The following RBFOX1 variants were observed in gnomAD, a reference collection of about 807,000 sequenced individuals.
The protein encoded by RBFOX1 is RNA binding protein fox-1 homolog 1.
In RBFOX1, 8 loss-of-function variants were observed where a neutral mutation model predicts 57.7. The ratio of observed to expected loss-of-function variants is 0.14; its 90% confidence interval spans 0.08 to 0.25. The LOEUF (loss-of-function observed/expected upper bound fraction) is 0.25, where lower values mean the gene tolerates loss of function less well. RBFOX1 is among the 10% of genes least tolerant of loss of function. RBFOX1 has a pLI of 1.00. For synonymous variants in RBFOX1, 326 were observed against 222.4 expected, an observed-to-expected ratio of 1.47 and a Z score of -4.15; for missense variants, 611 against 548.5, an observed-to-expected ratio of 1.11 and a Z score of -1.14.
intron 3 of RBFOX1, among the ~76,000 whole-genome samples, chr16:6,672,129 G>A (rs1208225122): frequency 6.6e-6 from 1 of 152,134 alleles, no homozygotes; most frequent in Non-Finnish European, 1.5e-5. Flanking sequence ...ACTGGTATTG[G>A]AGGCTAAGGT....
intron 3 of RBFOX1, among the ~76,000 whole-genome samples, chr16:5,760,377 CGT>C (rs1567504656): frequency 2.0e-5 from 3 of 151,912 alleles, no homozygotes; most frequent in African/African-American, 7.3e-5. Flanking sequence ...CACACACACA[CGT>C]ATATACATAT....
At chr16:5,536,630 G>T (rs1304621357) in intron 2 of RBFOX1, among the ~76,000 whole-genome samples, 1 of 152,116 alleles carries the variant, frequency 6.6e-6, no homozygotes, top group East Asian at 1.9e-4. Context: ...GATGTCAGCT[G>T]CATAAATGGG....
At chr16:6,944,337 G>A (rs962267564) in intron 3 of RBFOX1, among the ~76,000 whole-genome samples, 1 of 150,278 alleles carries the variant, frequency 6.7e-6, no homozygotes, top group African/African-American at 2.4e-5. Flanking sequence ...GGAGGTTGCA[G>A]TGTGCCAAGA....
At chr16:7,028,400 C>G (rs1478064653) in intron 3 of RBFOX1, among the ~76,000 whole-genome samples, 2 of 151,880 alleles carry the variant, frequency 1.3e-5, no homozygotes, top group Non-Finnish European at 2.9e-5. Flanking sequence ...ATCTTGGGCT[C>G]TGCATGGAGG....
At chr16:5,863,879 C>A (rs1238898341) in intron 3 of RBFOX1, among the ~76,000 whole-genome samples, 2 of 152,164 alleles carry the variant, frequency 1.3e-5, no homozygotes, top group Non-Finnish European at 2.9e-5. Flanking sequence ...AACATTTCCA[C>A]AAGGTCTCTT....
chr16:7,267,550 A>G (rs1372982035), intron 4 of RBFOX1, among the ~76,000 whole-genome samples: 1 of 149,570 alleles, frequency 6.7e-6, no homozygotes, highest in African/African-American at 2.5e-5. Context: ...AAAAATTTAA[A>G]AAAATAATAA....
At chr16:7,129,765 C>A (rs2069694261) in intron 4 of RBFOX1, among the ~76,000 whole-genome samples, 1 of 135,704 alleles carries the variant, frequency 7.4e-6, no homozygotes, top group African/African-American at 2.8e-5. Context: ...ACGACAACTC[C>A]TAGCTGCAAA....
intron 1 of RBFOX1, among the ~76,000 whole-genome samples, chr16:6,065,346 A>C (rs1251904133): frequency 6.6e-6 from 1 of 151,990 alleles, no homozygotes; most frequent in Non-Finnish European, 1.5e-5. Context: ...TATGATTCTT[A>C]TGGATGCCTA....
chr16:6,477,695 C>T (rs1230898847), intron 2 of RBFOX1, among the ~76,000 whole-genome samples: 1 of 152,182 alleles, frequency 6.6e-6, no homozygotes, highest in Non-Finnish European at 1.5e-5. Flanking sequence ...TCAGCTTGTC[C>T]TTTGAAGCTT....
At chr16:7,707,965 C>T (rs571539254) in intron 14 of RBFOX1, among the ~76,000 whole-genome samples, 1 of 152,170 alleles carries the variant, frequency 6.6e-6, no homozygotes, top group Non-Finnish European at 1.5e-5. Flanking sequence ...AGCATTCAAA[C>T]TATCTCCAGG....
Position 6,852,637 on chromosome 16 carries a change from A to G in RBFOX1, c.-16+197987A>G, listed in dbSNP as rs943973769. On this transcript the variant is annotated intron_variant, in intron 3 of 15. Transcript: ENST00000550418. ...ATGCTGGGAACTAGCTGTCTGGGAG[A>G]GGTACATGCTGGGAACTAGCTGTCC... Among the ~76,000 whole-genome samples the G allele has an allele frequency of 4.5e-4, 69 of 152,158 alleles. 1 individual carries two copies. The highest frequency in any genetic ancestry group is 1.6e-3 in the African/African-American group (68 of 41,496).
intron 1 of RBFOX1, among the ~76,000 whole-genome samples, chr16:5,331,499 G>T (rs1954686279): frequency 6.6e-6 from 1 of 152,228 alleles, no homozygotes; most frequent in Admixed American, 6.5e-5. Flanking sequence ...ACCAATTCTG[G>T]AACTAGTGGG....
intron 2 of RBFOX1, among the ~76,000 whole-genome samples, chr16:6,475,669 C>G (rs909736580): frequency 6.6e-6 from 1 of 152,156 alleles, no homozygotes; most frequent in African/African-American, 2.4e-5. Context: ...GGTGTCAGGA[C>G]AAAGAAAATC....
chr16:6,593,971 T>C (rs2097751847), intron 2 of RBFOX1, among the ~76,000 whole-genome samples: 1 of 152,216 alleles, frequency 6.6e-6, no homozygotes, highest in African/African-American at 2.4e-5. Flanking sequence ...GGATTAGTCA[T>C]GCACGTGGAA....
intron 4 of RBFOX1, among the ~76,000 whole-genome samples, chr16:7,252,497 G>A (rs8063839): frequency 0.67 from 101,469 of 151,452 alleles, 35,569 homozygotes; most frequent in African/African-American, 0.88. Context: ...TGGAAATTTT[G>A]CACAGATCTT....
chr16:6,398,247 G>A (rs762502931), intron 2 of RBFOX1, among the ~76,000 whole-genome samples: 34 of 152,010 alleles, frequency 2.2e-4, no homozygotes, highest in Admixed American at 7.2e-4. Flanking sequence ...TAACATATGC[G>A]GATTATGGGA....
intron 2 of RBFOX1, among the ~76,000 whole-genome samples, chr16:5,579,864 A>G (rs1160916724): frequency 6.6e-6 from 1 of 150,768 alleles, no homozygotes; most frequent in Admixed American, 6.6e-5. Context: ...GGTTCAAGCT[A>G]TTCTCCTGCT....
At chr16:7,419,190 G>C (rs1054275248) in intron 4 of RBFOX1, among the ~76,000 whole-genome samples, 8 of 152,130 alleles carry the variant, frequency 5.3e-5, no homozygotes, top group African/African-American at 1.9e-4. Flanking sequence ...TTACAAGCGT[G>C]AGCACCACCA....
At chr16:5,398,748 C>T (rs1226543617) in intron 1 of RBFOX1, among the ~76,000 whole-genome samples, 1 of 152,020 alleles carries the variant, frequency 6.6e-6, no homozygotes. Context: ...AGTGATGATT[C>T]CATGGGAGCG....
Sources: gnomAD v4.1 joint callset for allele counts (sites outside exome capture counted in the v4.1 genomes callset) on GRCh38, gnomAD v4.1.1 for gene constraint, MANE v1.5 for transcripts, NCBI Gene and HGNC (gene_info 2026-07-23, HGNC 2026-07-21) for gene names.